The following WDR77 variants were observed in gnomAD, a reference collection of about 807,000 sequenced individuals.
The protein encoded by WDR77 is WD repeat domain 77.
A neutral mutation model predicts 44.0 loss-of-function variants in WDR77; 31 were observed. The observed-to-expected ratio is 0.70, with a 90% CI of 0.53 to 0.95. The LOEUF (loss-of-function observed/expected upper bound fraction) is 0.95, where lower values mean the gene tolerates loss of function less well. Among genes scored for constraint, WDR77 ranks in the 40% least tolerant of loss-of-function variants. WDR77 has a pLI of 0.00. For synonymous variants in WDR77, 186 were observed against 165.7 expected (o/e 1.12, Z -0.94); for missense variants, 390 against 423.9 (o/e 0.92, Z 0.70).
chr1:111,448,776 G>A lies in WDR77; in HGVS notation c.144C>T (p.Ser48=), dbSNP rs1354902495. The A allele has an allele frequency of 6.3e-7, 1 of 1,598,290 alleles. No homozygotes were observed. The highest frequency in any genetic ancestry group is 2.3e-5 in the East Asian group (1 of 43,824). Residue 48 remains serine (S), a synonymous_variant, in exon 2 of 10, where the codon AGC becomes AGT. Transcript: ENST00000235090. ...AGCCGGCCCAGCAGCGCCCACTCAG[G>A]CTGGAGGCCCCGAGGAGAAGCGCCC... ...SDGALLLGAS[S]LSGRCWAGSL...
At position 111,442,600 on chromosome 1, in the gene WDR77, C is replaced by G. The variant is rs1222314239; in HGVS notation, c.800+53G>C. The G allele has an allele frequency of 2.4e-6, 3 of 1,266,436 alleles. No individual in the cohort carries two copies. The African/African-American group carries it at 4.5e-5, about 19-fold the overall frequency. 78.4% of individuals were successfully genotyped at this position (1,266,436 alleles called of 1,614,324 possible). A position where few individuals can be genotyped will look rare whatever the true frequency, so the allele number is the denominator to read the frequency against. ...AATGCTTTGAAAACATACACACACA[C>G]CCTCACGGTTCCCATTTATACCCAT... On this transcript the variant is annotated intron_variant, in intron 8 of 9. Coordinates refer to ENST00000235090, the MANE Select transcript of WDR77 (RefSeq NM_024102.4).
chr1:111,442,326 C>T (rs1181956072), intron 8 of WDR77, among the ~76,000 whole-genome samples: 1 of 152,238 alleles, frequency 6.6e-6, no homozygotes, highest in African/African-American at 2.4e-5. Flanking sequence ...CATCTGGTCC[C>T]TCTCTATAGC....
At chr1:111,442,783 T>C in intron 7 of WDR77, 22 bp from the exon 8 acceptor site, 1 of 1,506,558 alleles carries the variant, frequency 6.6e-7, no homozygotes, top group Non-Finnish European at 9.0e-7. Context: ...AAGGAACATG[T>C]CATAGTGATT....
chr1:111,449,218 G>A lies in WDR77; in HGVS notation c.-49C>T. The A allele has an allele frequency of 6.5e-7, 1 of 1,537,752 alleles. No individual in the cohort carries two copies. The highest frequency in any genetic ancestry group is 2.4e-5 in the East Asian group (1 of 41,278). On this transcript the variant is annotated 5_prime_UTR_variant, in exon 1 of 10. Transcript: ENST00000235090. ...AGACTCAAACTGGACGCCGGCCGGA[G>A]ACTCCGCTCCGGCAGCAAACCCCAC...
intron 7 of WDR77, 66 bp from the exon 8 acceptor site, chr1:111,442,827 C>G: frequency 8.6e-7 from 1 of 1,160,098 alleles, no homozygotes; most frequent in South Asian, 2.1e-5. Flanking sequence ...AGACTTGAAT[C>G]CTAGTTCCTC....
At position 111,449,256 on chromosome 1, in the gene WDR77, T is replaced by A. The variant is rs1023742659; in HGVS notation, c.-87A>T. On this transcript the variant is annotated 5_prime_UTR_variant, in exon 1 of 10. Transcript: ENST00000235090. ...CAGCAAACCCCACGTGGTGCACCTC[T>A]GAGCCTCCGCCCCTCTCCCGAGGGA... is the stretch of plus-strand genomic sequence containing the variant. 1 of 1,536,536 alleles carries A rather than the reference T, an allele frequency of 6.5e-7. No individual in the cohort carries two copies. The highest frequency in any genetic ancestry group is 1.4e-5 in the African/African-American group (1 of 73,190).
intron 4 of WDR77, among the ~76,000 whole-genome samples, chr1:111,445,566 C>A (rs551602185): frequency 1.3e-5 from 2 of 151,994 alleles, no homozygotes; most frequent in African/African-American, 4.8e-5. Flanking sequence ...TTGAGACCAG[C>A]CTGGGCAACA....
At chr1:111,447,004 A>T (rs1653065626) in intron 4 of WDR77, 91 bp downstream of exon 4, 1 of 1,307,846 alleles carries the variant, frequency 7.6e-7, no homozygotes, top group African/African-American at 1.5e-5. Context: ...CTATCAGAAC[A>T]TGGAATTGCT....
chr1:111,441,463 C>A, intron 9 of WDR77, 74 bp from the exon 10 acceptor site: 1 of 1,409,304 alleles, frequency 7.1e-7, no homozygotes. Flanking sequence ...GAGAACCCAA[C>A]ACATCTGGGG....
chr1:111,448,467 A>T, intron 2 of WDR77, 152 bp downstream of exon 2: 2 of 835,148 alleles, frequency 2.4e-6, no homozygotes, highest in Non-Finnish European at 3.8e-6. Flanking sequence ...TTTCCCACCT[A>T]CACAAGAGTT....
rs368176389 is a variant in WDR77, at chr1:111,449,098, G to A, written c.72C>T (p.Pro24=). Residue 24 remains proline, a synonymous_variant, in exon 1 of 10, where the codon CCC becomes CCT. Transcript: ENST00000235090. ...AREWNLPPNA[P]ACMERQLEAA... ...CCTCCAACTGCCGTTCCATGCAGGCGGGCGCATTTGGGGGAAGATTCCACT... is the reference window on the plus strand; with the variant it reads ...CCTCCAACTGCCGTTCCATGCAGGCAGGCGCATTTGGGGGAAGATTCCACT... The A allele has an allele frequency of 5.0e-6, 8 of 1,604,968 alleles. No individual in the cohort carries two copies. The highest frequency in any genetic ancestry group is 2.7e-5 in the African/African-American group (2 of 74,804).
At chr1:111,441,830 T>C (rs1030696083) in intron 9 of WDR77, among the ~76,000 whole-genome samples, 195 bp downstream of exon 9, 2 of 152,170 alleles carry the variant, frequency 1.3e-5, no homozygotes, top group Non-Finnish European at 2.9e-5. Context: ...AGGACACGGC[T>C]TGTCCTTGGG....
intron 2 of WDR77, among the ~76,000 whole-genome samples, chr1:111,448,146 A>G (rs1653128491): frequency 6.6e-6 from 1 of 151,984 alleles, no homozygotes; most frequent in Non-Finnish European, 1.5e-5. Flanking sequence ...GGGACTTTAA[A>G]CTTCCATGCA....
rs11102276 is a variant in WDR77 at position 111,447,713 on chromosome 1, T to C, written c.302-137A>G. 2.6e-4 allele frequency: 266 copies of C among 1,011,058 alleles called. No homozygotes were observed. The East Asian group carries it at 6.2e-3, about 24-fold the overall frequency. The allele number at this position is 1,011,058 out of a possible 1,614,324, so 62.6% of individuals were successfully genotyped here. A position where few individuals can be genotyped will look rare whatever the true frequency, so the allele number is the denominator to read the frequency against. ...CCTGTAAAAGCAAAGTCCACATCAT[T>C]GGAGAGTTCAGCTAATTTCTGAGTC... On this transcript the variant is annotated intron_variant, in intron 2 of 9. Coordinates refer to ENST00000235090, the MANE Select transcript of WDR77 (RefSeq NM_024102.4).
intron 4 of WDR77, among the ~76,000 whole-genome samples, chr1:111,444,414 G>A (rs185268113): frequency 1.3e-5 from 2 of 152,132 alleles, no homozygotes; most frequent in East Asian, 1.9e-4. Context: ...CATCCTAGAC[G>A]TGAGGGCTAA....
chr1:111,448,580 C>T lies in WDR77; in HGVS notation c.301+39G>A, dbSNP rs1265260780. 3 of 1,613,320 alleles carry T rather than the reference C, an allele frequency of 1.9e-6. No homozygotes were observed. In the Admixed American group the frequency reaches 5.0e-5, roughly 27 times the overall value. ...ACCCCAAGTCTCCATTCTACCGTTCCACCCGGGGGTGGGGGTGGATAATGG... is the reference window on the plus strand; with the variant it reads ...ACCCCAAGTCTCCATTCTACCGTTCTACCCGGGGGTGGGGGTGGATAATGG... On this transcript the variant is annotated intron_variant, in intron 2 of 9. Coordinates refer to ENST00000235090, the MANE Select transcript of WDR77 (RefSeq NM_024102.4).
intron 8 of WDR77, 73 bp downstream of exon 8, chr1:111,442,579 CT>C (rs1201545333): frequency 4.0e-5 from 43 of 1,066,806 alleles, no homozygotes; most frequent in Middle Eastern, 3.0e-4. Flanking sequence ...TCAGCTAATG[CT>C]TTGAAAACAT....
At chr1:111,442,581 T>C in intron 8 of WDR77, 72 bp downstream of exon 8, 1 of 1,095,218 alleles carries the variant, frequency 9.1e-7, no homozygotes, top group East Asian at 2.7e-5. Flanking sequence ...AGCTAATGCT[T>C]TGAAAACATA....
chr1:111,444,420 G>A (rs188126512), intron 4 of WDR77, among the ~76,000 whole-genome samples: 8 of 152,100 alleles, frequency 5.3e-5, no homozygotes, highest in Non-Finnish European at 7.4e-5. Context: ...AGACGTGAGG[G>A]CTAAATAATT....
Sources: gnomAD v4.1 joint callset for allele counts (sites outside exome capture counted in the v4.1 genomes callset) on GRCh38, gnomAD v4.1.1 for gene constraint, MANE v1.5 for transcripts, NCBI Gene and HGNC (gene_info 2026-07-23, HGNC 2026-07-21) for gene names.